PCDHGA2: variants seen among roughly 807,000 people sequenced by gnomAD.
PCDHGA2 encodes protocadherin gamma-A2.
In PCDHGA2, 40 loss-of-function variants were observed where a neutral mutation model predicts 59.2. The ratio of observed to expected loss-of-function variants is 0.68; its 90% CI spans 0.52 to 0.88. PCDHGA2 has a LOEUF of 0.88. PCDHGA2 is among the 40% of genes least tolerant of loss of function. PCDHGA2 has a pLI of 0.00. For synonymous variants in PCDHGA2, 560 were observed against 526.0 expected, an observed-to-expected ratio of 1.06 and a Z score of -0.89; for missense variants, 1,226 against 1,204.0, an observed-to-expected ratio of 1.02 and a Z score of -0.27.
At chr5:141,463,682 G>A (rs62379195) in intron 1 of PCDHGA2, among the ~76,000 whole-genome samples, 7,165 of 151,926 alleles carry the variant, frequency 0.047, 241 homozygotes, top group Middle Eastern at 0.095. Context: ...GGATGACCTC[G>A]TGATCTGCTC....
chr5:141,367,537 A>AAAGTAAATAAAT (rs373624904), intron 1 of PCDHGA2: 1 of 147,434 alleles, frequency 6.8e-6, no homozygotes, highest in African/African-American at 2.5e-5. Flanking sequence ...ACTCCGTCTC[A>AAAGTAAATAAAT]AAATAAATAA....
chr5:141,463,904 T>C (rs1289422146), intron 1 of PCDHGA2, among the ~76,000 whole-genome samples: 3 of 152,214 alleles, frequency 2.0e-5, no homozygotes, highest in African/African-American at 4.8e-5. Context: ...TTTGTACTAA[T>C]AATATATCCT....
intron 1 of PCDHGA2, chr5:141,398,887 A>T: frequency 6.2e-7 from 1 of 1,613,976 alleles, no homozygotes; most frequent in Non-Finnish European, 8.5e-7. Context: ...CCTTCGGGAA[A>T]ACGTGCCACC....
At position 141,485,144 on chromosome 5, in the gene PCDHGA2, G is replaced by A; in HGVS notation, c.2425-9663G>A. 6.4e-7 allele frequency: 1 copy of A among 1,564,192 alleles called. No homozygotes were observed. The highest frequency in any genetic ancestry group is 1.7e-5 in the Admixed American group (1 of 59,326). On this transcript the variant is annotated intron_variant, in intron 1 of 3. Transcript: ENST00000394576. This position sits in a 1 kb window ranked among gnomAD's most constrained non-coding sequence, Gnocchi z 5.7. ...CGGGTCGGCTTCATCCGCGTCTCAG[G>A]AGCAAGTAGAGAATTAGCGGGCGGC...
intron 1 of PCDHGA2, chr5:141,423,883 A>T (rs1211746978): frequency 1.6e-6 from 2 of 1,283,342 alleles, no homozygotes; most frequent in Admixed American, 7.5e-5. Context: ...CAATCTTGGC[A>T]TATTTTCTTT....
intron 1 of PCDHGA2, chr5:141,382,975 G>C (rs1459980689): frequency 6.2e-7 from 1 of 1,610,700 alleles, no homozygotes; most frequent in Non-Finnish European, 8.5e-7. Context: ...CCCCTGGGAA[G>C]CCTGGGCAGG....
At chr5:141,379,087 A>G (rs1464802506) in intron 1 of PCDHGA2, 1 of 152,222 alleles carries the variant, frequency 6.6e-6, no homozygotes, top group Non-Finnish European at 1.5e-5. Flanking sequence ...TTTGTTATGA[A>G]TGTGTAAGAA....
At chr5:141,414,948 G>A (rs957548133) in intron 1 of PCDHGA2, 20 of 1,614,084 alleles carry the variant, frequency 1.2e-5, no homozygotes, top group South Asian at 2.2e-5. Flanking sequence ...CCGGCTACCT[G>A]GTGACCAAGG....
chr5:141,419,203 C>T (rs201698529), intron 1 of PCDHGA2: 140 of 1,613,988 alleles, frequency 8.7e-5, no homozygotes, highest in Non-Finnish European at 1.2e-4. Flanking sequence ...TCAATGACAA[C>T]GCGCCGGTTT....
chr5:141,446,173 G>A (rs2098491860), intron 1 of PCDHGA2, among the ~76,000 whole-genome samples: 1 of 152,076 alleles, frequency 6.6e-6, no homozygotes, highest in East Asian at 1.9e-4. Context: ...TGAGGGCAGG[G>A]GGTGTTTTGT....
intron 3 of PCDHGA2, among the ~76,000 whole-genome samples, chr5:141,508,984 C>G (rs1039260828): frequency 4.7e-4 from 72 of 152,154 alleles, no homozygotes; most frequent in African/African-American, 1.7e-3. Context: ...GGGTGGGGGC[C>G]AGCTGGGGTA....
intron 1 of PCDHGA2, among the ~76,000 whole-genome samples, chr5:141,456,845 C>T (rs1308477735): frequency 6.6e-6 from 1 of 152,092 alleles, no homozygotes; most frequent in African/African-American, 2.4e-5. Context: ...CGCCTGTAAT[C>T]CCAGCTAATT....
rs534816363 is a variant in PCDHGA2, at chr5:141,456,234, G to T, written c.2425-38573G>T. Among the ~76,000 whole-genome samples the T allele has an allele frequency of 2.2e-4, 33 of 152,224 alleles. 1 individual carries two copies. The South Asian group carries it at 6.9e-3, about 32-fold the overall frequency. On this transcript the variant is annotated intron_variant, in intron 1 of 3. Transcript: ENST00000394576. ...CTGTGGCGATATCAAACTAACTGCT[G>T]TTAGGAGGCTTTGGGCGACCATTGC...
intron 1 of PCDHGA2, chr5:141,372,749 C>T (rs1368298645): frequency 1.2e-6 from 2 of 1,613,056 alleles, no homozygotes; most frequent in Non-Finnish European, 1.7e-6. Flanking sequence ...GTGATGAAGC[C>T]TCTTGGTTTG....
At chr5:141,367,574 ATC>A (rs1765238671) in intron 1 of PCDHGA2, 1 of 151,104 alleles carries the variant, frequency 6.6e-6, no homozygotes, top group Middle Eastern at 3.4e-3. Flanking sequence ...ATAAATAAAT[ATC>A]AGAAAAGTAG....
chr5:141,387,071 C>T (rs1487403463), intron 1 of PCDHGA2, among the ~76,000 whole-genome samples: 2 of 152,172 alleles, frequency 1.3e-5, no homozygotes, highest in African/African-American at 4.8e-5. Flanking sequence ...GAGGAGTAGG[C>T]TACTGCCTGT....
At chr5:141,347,279 G>A (rs759302173) in intron 1 of PCDHGA2, among the ~76,000 whole-genome samples, 9 of 151,622 alleles carry the variant, frequency 5.9e-5, no homozygotes, top group Non-Finnish European at 1.0e-4. Context: ...TCAGCCTCCC[G>A]AGTAGCTGGG....
Position 141,419,681 on chromosome 5 carries a change from G to A in PCDHGA2, c.2425-75126G>A, listed in dbSNP as rs377117997. ...GCACAATGCCTGGCTGTCCTACCACGTGGTGCAGGCCAGTGAGCCCGGGCT... is the reference window on the plus strand; with the variant it reads ...GCACAATGCCTGGCTGTCCTACCACATGGTGCAGGCCAGTGAGCCCGGGCT... On this transcript the variant is annotated intron_variant, in intron 1 of 3. Coordinates refer to ENST00000394576, the MANE Select transcript of PCDHGA2 (RefSeq NM_018915.4). 76 of 1,612,904 alleles carry A rather than the reference G, an allele frequency of 4.7e-5. No homozygotes were observed. The highest frequency in any genetic ancestry group is 5.7e-5 in the Non-Finnish European group (67 of 1,179,706).
chr5:141,410,437 G>C, intron 1 of PCDHGA2: 1 of 1,614,040 alleles, frequency 6.2e-7, no homozygotes, highest in Non-Finnish European at 8.5e-7. Context: ...ACTACAGTGA[G>C]GGGACTTTGC....
Sources: gnomAD v4.1 joint callset for allele counts (sites outside exome capture counted in the v4.1 genomes callset) on GRCh38, gnomAD v4.1.1 for gene constraint, Gnocchi (gnomAD v3.1) non-coding constraint, MANE v1.5 for transcripts, NCBI Gene and HGNC (gene_info 2026-07-23, HGNC 2026-07-21) for gene names.